Variants in HNRNPC observed in about 807,000 individuals in gnomAD.
HNRNPC encodes heterogeneous nuclear ribonucleoproteins C1/C2.
A neutral mutation model predicts 33.2 loss-of-function variants in HNRNPC; 3 were observed. The observed-to-expected ratio is 0.09, with a 90% CI of 0.04 to 0.23. The LOEUF is 0.23. Among genes scored for constraint, HNRNPC ranks in the 10% least tolerant of loss-of-function variants. HNRNPC has a pLI of 1.00. For synonymous variants in HNRNPC, 121 were observed against 126.7 expected, an observed-to-expected ratio of 0.96 and a Z score of 0.30; for missense variants, 143 against 366.7, an observed-to-expected ratio of 0.39 and a Z score of 4.98.
At chr14:21,240,554 T>C (rs958157368) in intron 2 of HNRNPC, among the ~76,000 whole-genome samples, 1 of 152,200 alleles carries the variant, frequency 6.6e-6, no homozygotes, top group African/African-American at 2.4e-5. Context: ...GTGAGAGCCC[T>C]GGAATTTGCT....
At chr14:21,234,479 A>G (rs1358602712) in intron 2 of HNRNPC, among the ~76,000 whole-genome samples, 1 of 152,102 alleles carries the variant, frequency 6.6e-6, no homozygotes, top group Non-Finnish European at 1.5e-5. Context: ...TCTCAGGAAA[A>G]AAAAATTCTC....
At position 21,211,680 on chromosome 14, in the gene HNRNPC, C is replaced by T. The variant is rs1167603744; in HGVS notation, c.638-114G>A. The T allele has an allele frequency of 2.1e-6, 3 of 1,429,806 alleles. No individual in the cohort carries two copies. The African/African-American group carries it at 4.2e-5, about 20-fold the overall frequency. 88.6% of individuals were successfully genotyped at this position (1,429,806 alleles called of 1,614,324 possible). The stretch of plus-strand genomic sequence containing the variant: ...AAATCTAAATCCTCCCACACAAATA[C>T]CCTTCCCAATTCACACTCCCCAAGT... On this transcript the variant is annotated intron_variant, in intron 7 of 8. Coordinates refer to ENST00000553300, the MANE Select transcript of HNRNPC (RefSeq NM_004500.4).
intron 2 of HNRNPC, among the ~76,000 whole-genome samples, chr14:21,244,700 G>GT (rs1355370475): frequency 6.6e-6 from 1 of 152,176 alleles, no homozygotes; most frequent in Non-Finnish European, 1.5e-5. Context: ...TGTTAATGTC[G>GT]TAAGAGTGTA....
intron 2 of HNRNPC, among the ~76,000 whole-genome samples, chr14:21,256,698 G>A (rs1219089940): frequency 6.6e-6 from 1 of 151,914 alleles, no homozygotes; most frequent in East Asian, 1.9e-4. Context: ...ACCCAGGCTG[G>A]AGTGCAATGG....
intron 2 of HNRNPC, among the ~76,000 whole-genome samples, chr14:21,247,080 G>A (rs111988484): frequency 0.011 from 1,697 of 152,214 alleles, 16 homozygotes; most frequent in Admixed American, 0.017. Flanking sequence ...TATTTTTGAG[G>A]GGGTGCTGGC....
chr14:21,237,807 C>T (rs935021359), intron 2 of HNRNPC, among the ~76,000 whole-genome samples: 8 of 151,956 alleles, frequency 5.3e-5, no homozygotes, highest in East Asian at 1.9e-4. Context: ...GAGTTTCACT[C>T]GTTGCCAAGG....
rs569858894 is a variant in HNRNPC, at chr14:21,236,127, C to T, written c.-36-1898G>A. On this transcript the variant is annotated intron_variant, in intron 2 of 8. Coordinates refer to ENST00000553300, the MANE Select transcript of HNRNPC (RefSeq NM_004500.4). ...CAAGATGCAAGGAATTCATACCCCA[C>T]GGCATTTTTCATGTGTATCAGGCCT... 2.6e-5 allele frequency among the ~76,000 whole-genome samples: 4 copies of T among 152,212 alleles called. No homozygotes were observed. The South Asian group carries it at 6.2e-4, about 24-fold the overall frequency.
intron 5 of HNRNPC, among the ~76,000 whole-genome samples, chr14:21,214,969 C>G (rs1566594857): frequency 6.6e-6 from 1 of 152,182 alleles, no homozygotes; most frequent in African/African-American, 2.4e-5. Flanking sequence ...TTCACCGGCA[C>G]CCGTATCTAA....
At chr14:21,231,341 T>C in intron 3 of HNRNPC, 1 of 550,540 alleles carries the variant, frequency 1.8e-6, no homozygotes, top group Middle Eastern at 2.8e-4. Context: ...GACACATAAA[T>C]TAGAAAATGT....
intron 5 of HNRNPC, among the ~76,000 whole-genome samples, chr14:21,227,275 CTCCA>C (rs1893575489): frequency 6.6e-6 from 1 of 151,616 alleles, no homozygotes; most frequent in South Asian, 2.1e-4. Flanking sequence ...TTCCTCAATT[CTCCA>C]ACCCAACTTG....
chr14:21,259,052 A>G (rs1396032559), intron 2 of HNRNPC, among the ~76,000 whole-genome samples: 2 of 152,312 alleles, frequency 1.3e-5, no homozygotes, highest in Non-Finnish European at 2.9e-5. Context: ...AGACCCTCTA[A>G]GGTCCCGTGC....
intron 6 of HNRNPC, 63 bp downstream of exon 6, chr14:21,212,897 G>A: frequency 6.3e-7 from 1 of 1,580,004 alleles, no homozygotes; most frequent in South Asian, 1.1e-5. Flanking sequence ...TATTGTAACT[G>A]CATTAGCTTC....
intron 2 of HNRNPC, among the ~76,000 whole-genome samples, chr14:21,236,005 C>CCTTT (rs1894656358): frequency 6.6e-6 from 1 of 152,114 alleles, no homozygotes; most frequent in Non-Finnish European, 1.5e-5. Context: ...TGGAATAAGA[C>CCTTT]AGAAATGGAT....
At chr14:21,227,527 T>C (rs980231470) in intron 5 of HNRNPC, among the ~76,000 whole-genome samples, 2 of 152,266 alleles carry the variant, frequency 1.3e-5, no homozygotes, top group Non-Finnish European at 2.9e-5. Flanking sequence ...ATTGCGGTTT[T>C]GCTTTTTACC....
At chr14:21,226,482 T>C (rs1893455225) in intron 5 of HNRNPC, among the ~76,000 whole-genome samples, 1 of 152,246 alleles carries the variant, frequency 6.6e-6, no homozygotes, top group African/African-American at 2.4e-5. Flanking sequence ...CTTTGAATAC[T>C]TGTGCATTCC....
At chr14:21,265,133 A>C (rs1333844930) in intron 1 of HNRNPC, 1 of 152,200 alleles carries the variant, frequency 6.6e-6, no homozygotes, top group Non-Finnish European at 1.5e-5. Context: ...ATGACAGTTA[A>C]TTTTTACATT....
intron 8 of HNRNPC, 25 bp downstream of exon 8, chr14:21,211,381 T>A: frequency 7.2e-7 from 1 of 1,392,960 alleles, no homozygotes; most frequent in Non-Finnish European, 9.6e-7. Context: ...CACCACCTTT[T>A]TCTTTCCTTT....
At chr14:21,215,488 C>T (rs1202567025) in intron 5 of HNRNPC, among the ~76,000 whole-genome samples, 1 of 152,196 alleles carries the variant, frequency 6.6e-6, no homozygotes, top group East Asian at 1.9e-4. Context: ...GGAACAAGGA[C>T]TAAACCCTAG....
chr14:21,246,400 A>C (rs1278662769), intron 2 of HNRNPC, among the ~76,000 whole-genome samples: 2 of 151,986 alleles, frequency 1.3e-5, no homozygotes, highest in Non-Finnish European at 2.9e-5. Context: ...TCTACTAAAA[A>C]TACAAAAACA....
Sources: allele counts gnomAD v4.1 joint callset (sites outside exome capture counted in the v4.1 genomes callset), GRCh38; gene constraint gnomAD v4.1.1; transcripts MANE v1.5; gene names NCBI Gene and HGNC (gene_info 2026-07-23, HGNC 2026-07-21).